Variants in VCAM1 observed in about 807,000 individuals in gnomAD.
The protein encoded by VCAM1 is vascular cell adhesion protein 1.
VCAM1 carries 41 observed loss-of-function variants against 63.8 expected under a neutral mutation model. That is an observed-to-expected ratio of 0.64 (90% confidence interval 0.50 to 0.83). The LOEUF (loss-of-function observed/expected upper bound fraction) is 0.83, where lower values mean the gene tolerates loss of function less well. Ranked by LOEUF, VCAM1 falls within the 40% of genes least tolerant of loss-of-function variation. The pLI is 0.00. For missense variants in VCAM1, 798 were observed against 875.5 expected (o/e 0.91, Z 1.12); for synonymous variants, 338 against 320.7 (o/e 1.05, Z -0.58).
intron 4 of VCAM1, 39 bp from the exon 5 acceptor site, chr1:100,729,068 C>A: frequency 6.8e-7 from 1 of 1,479,032 alleles, no homozygotes; most frequent in Non-Finnish European, 9.0e-7. Flanking sequence ...AGAAAAGAAT[C>A]TTATGTTCTT....
chr1:100,731,160 T>A lies in VCAM1; in HGVS notation c.1205-38T>A. 6.5e-7 allele frequency: 1 copy of A among 1,548,490 alleles called. No homozygotes were observed. Among genetic ancestry groups the A allele is most frequent in the Non-Finnish European group, 8.7e-7 (1 of 1,150,990 alleles). ...AAGCTTAGCTCAATTTTTCCTTGAA[T>A]ATCAAGAATAAAAATCGTTTTTGCT... is the stretch of plus-strand genomic sequence containing the variant. On this transcript the variant is annotated intron_variant, in intron 5 of 8. Transcript: ENST00000294728. This position sits in a 1 kb window ranked among gnomAD's most constrained non-coding sequence, Gnocchi z 4.2.
At chr1:100,733,950 G>C (rs990149820) in intron 7 of VCAM1, among the ~76,000 whole-genome samples, 1 of 152,142 alleles carries the variant, frequency 6.6e-6, no homozygotes, top group Non-Finnish European at 1.5e-5. Context: ...ATTTATAAAA[G>C]AGGTTTAATA....
rs749724573 is a variant in VCAM1 at position 100,734,543 on chromosome 1, A to G, written c.1834A>G (p.Ser612Gly). 1 of 1,613,720 alleles carries G rather than the reference A, an allele frequency of 6.2e-7. No homozygotes were observed. The highest frequency in any genetic ancestry group is 1.3e-5 in the African/African-American group (1 of 75,012). Reference protein sequence around the residue: ...DIKLTAFPSESVKEGDTVIIS... With the variant: ...DIKLTAFPSEGVKEGDTVIIS... ...AAAACTTACAGCTTTTCCTTCTGAG[A>G]GTGTCAAAGAAGGAGACACTGTCAT... is the stretch of plus-strand genomic sequence containing the variant. The change falls in exon 8 of 9, where the codon AGT (serine) becomes GGT (glycine). Residue 612 changes from serine (S) to glycine (G), a missense_variant. Ser to Gly is a moderately conservative substitution (Grantham distance 56). Coordinates refer to ENST00000294728, the MANE Select transcript of VCAM1 (RefSeq NM_001078.4).
At chr1:100,735,684 C>G (rs976489552) in intron 8 of VCAM1, 40 of 152,128 alleles carry the variant, frequency 2.6e-4, no homozygotes, top group African/African-American at 9.7e-4. Flanking sequence ...CAAGCCTTAC[C>G]GTATGTATGT....
chr1:100,731,632 T>C lies in VCAM1; in HGVS notation c.1525+114T>C. 2.0e-6 allele frequency: 2 copies of C among 982,400 alleles called. No individual in the cohort carries two copies. Among genetic ancestry groups the C allele is most frequent in the South Asian group, 1.8e-5 (1 of 55,264 alleles). 60.9% of individuals were successfully genotyped at this position (982,400 alleles called of 1,614,324 possible). A position where few individuals can be genotyped will look rare whatever the true frequency, so the allele number is the denominator to read the frequency against. ...AACCTCTGTGGAGAAAAAACGTTAC[T>C]GAAAAGAAATTTCAAAATAATGATG... On this transcript the variant is annotated intron_variant, in intron 6 of 8. Coordinates refer to ENST00000294728, the MANE Select transcript of VCAM1 (RefSeq NM_001078.4). This position sits in a 1 kb window ranked among gnomAD's most constrained non-coding sequence, Gnocchi z 4.2.
At chr1:100,726,458 A>G (rs1660165775) in intron 4 of VCAM1, among the ~76,000 whole-genome samples, 1 of 152,008 alleles carries the variant, frequency 6.6e-6, no homozygotes, top group South Asian at 2.1e-4. Context: ...ACCTTTGCAG[A>G]TCTGTTGATG....
Position 100,720,715 on chromosome 1 carries a change from A to G in VCAM1, c.304A>G (p.Arg102Gly), listed in dbSNP as rs1659927741. ...CCTGTGCACAGCAACTTGTGAATCTAGGAAATTGGAAAAAGGAATCCAGGT... is the reference window on the plus strand; with the variant it reads ...CCTGTGCACAGCAACTTGTGAATCTGGGAAATTGGAAAAAGGAATCCAGGT... ...SYLCTATCES[R>G]KLEKGIQVEI... Residue 102 changes from arginine to glycine, a missense_variant, in exon 2 of 9, where the codon AGG (arginine) becomes GGG (glycine). Arg to Gly is a moderately radical substitution (Grantham distance 125). Coordinates refer to ENST00000294728, the MANE Select transcript of VCAM1 (RefSeq NM_001078.4). 1 of 1,612,680 alleles carries G rather than the reference A, an allele frequency of 6.2e-7. No homozygotes were observed. Among genetic ancestry groups the G allele is most frequent in the Non-Finnish European group, 8.5e-7 (1 of 1,179,196 alleles).
At chr1:100,720,094 A>G (rs535189693) in intron 1 of VCAM1, among the ~76,000 whole-genome samples, 170 bp downstream of exon 1, 2 of 152,254 alleles carry the variant, frequency 1.3e-5, no homozygotes, top group South Asian at 4.1e-4. Context: ...GCTATATACC[A>G]TTGTACTGTC....
rs1660586655 is a variant in VCAM1 at position 100,734,664 on chromosome 1, C to T, written c.1955C>T (p.Ala652Val). 6.2e-7 allele frequency: 1 copy of T among 1,613,820 alleles called. No individual in the cohort carries two copies. The highest frequency in any genetic ancestry group is 1.3e-5 in the African/African-American group (1 of 74,884). ...GDTVLKSIDGAYTIRKAQLKD... is the reference protein window; with the variant it reads ...GDTVLKSIDGVYTIRKAQLKD... ...ACAGTACTAAAATCTATAGATGGCG[C>T]CTATACCATCCGAAAGGCCCAGTTG... Residue 652 changes from alanine (A) to valine (V), a missense_variant, in exon 8 of 9, where the codon GCC becomes GTC. Ala to Val is a moderately conservative substitution (Grantham distance 64). Transcript: ENST00000294728.
intron 8 of VCAM1, chr1:100,735,137 T>G: frequency 6.0e-6 from 1 of 167,450 alleles, no homozygotes; most frequent in Admixed American, 6.0e-5. Flanking sequence ...CCCTCTTCCT[T>G]TCTACCAGAA....
intron 4 of VCAM1, among the ~76,000 whole-genome samples, chr1:100,725,124 C>T (rs1170000760): frequency 6.6e-6 from 1 of 151,768 alleles, no homozygotes; most frequent in Non-Finnish European, 1.5e-5. Context: ...ATCACTTTTT[C>T]TCTGCTTCAT....
chr1:100,722,416 C>G (rs3176862), intron 2 of VCAM1, among the ~76,000 whole-genome samples: 10,773 of 152,078 alleles, frequency 0.071, 933 homozygotes, highest in African/African-American at 0.21. Context: ...CTTAGAATAT[C>G]TTGACAATAA....
rs1660470071 is a variant in VCAM1 at position 100,731,812 on chromosome 1, A to G, written c.1525+294A>G. Among the ~76,000 whole-genome samples, 1 of 152,154 alleles carries G rather than the reference A, an allele frequency of 6.6e-6. No homozygotes were observed. Among genetic ancestry groups the G allele is most frequent in the African/African-American group, 2.4e-5 (1 of 41,436 alleles). Reference sequence around the variant, plus strand: ...CTCGTGCATTTTCAGTAAGGTTAGCAGGGCTGGCTGGTCTCAGATGACTTC... The same window carrying G: ...CTCGTGCATTTTCAGTAAGGTTAGCGGGGCTGGCTGGTCTCAGATGACTTC... On this transcript the variant is annotated intron_variant, in intron 6 of 8. Coordinates refer to ENST00000294728, the MANE Select transcript of VCAM1 (RefSeq NM_001078.4). The surrounding 1 kb of genome is among the most constrained non-coding windows in gnomAD (Gnocchi z 4.2).
chr1:100,724,736 G>C lies in VCAM1; in HGVS notation c.774G>C (p.Trp258Cys). The change falls in exon 4 of 9, where the codon TGG (tryptophan) becomes TGC (cysteine). Residue 258 changes from tryptophan (W) to cysteine (C), a missense_variant. Physicochemically the swap from Trp to Cys is radical, Grantham distance 215 (BLOSUM62 -2). Coordinates refer to ENST00000294728, the MANE Select transcript of VCAM1 (RefSeq NM_001078.4). ...SEGLPAPEIF[W>C]SKKLDNGNLQ... ...GTCTACCAGCTCCAGAGATTTTCTG[G>C]AGTAAGAAATTAGATAATGGGAATC... 1 of 1,613,032 alleles carries C rather than the reference G, an allele frequency of 6.2e-7. No homozygotes were observed. Among genetic ancestry groups the C allele is most frequent in the Non-Finnish European group, 8.5e-7 (1 of 1,179,450 alleles).
Position 100,734,522 on chromosome 1 carries a change from C to G in VCAM1, c.1813C>G (p.Leu605Val). The change falls in exon 8 of 9, where the codon CTT (leucine) becomes GTT (valine). Residue 605 changes from leucine (L) to valine (V), a missense_variant. Coordinates refer to ENST00000294728, the MANE Select transcript of VCAM1 (RefSeq NM_001078.4). The stretch of plus-strand genomic sequence containing the variant: ...TACAGTTACTCCAAAAGACATAAAA[C>G]TTACAGCTTTTCCTTCTGAGAGTGT... ...IIQVTPKDIKLTAFPSESVKE... is the reference protein window; with the variant it reads ...IIQVTPKDIKVTAFPSESVKE... The G allele has an allele frequency of 6.2e-7, 1 of 1,613,068 alleles. No homozygotes were observed. Among genetic ancestry groups the G allele is most frequent in the East Asian group, 2.2e-5 (1 of 44,848 alleles).
intron 4 of VCAM1, among the ~76,000 whole-genome samples, chr1:100,725,403 A>G (rs748350859): frequency 2.0e-5 from 3 of 152,064 alleles, no homozygotes; most frequent in Non-Finnish European, 4.4e-5. Flanking sequence ...TTCTTACATA[A>G]CAGCATTCGC....
intron 8 of VCAM1, chr1:100,735,437 A>G (rs2100835676): frequency 6.6e-6 from 1 of 152,462 alleles, no homozygotes; most frequent in South Asian, 2.1e-4. Flanking sequence ...TGTAAACAAA[A>G]TACATCAGCC....
Position 100,719,800 on chromosome 1 carries a change from C to G in VCAM1, c.-61C>G, listed in dbSNP as rs1659884735. 7 of 1,569,444 alleles carry G rather than the reference C, an allele frequency of 4.5e-6. No individual in the cohort carries two copies. In the South Asian group the frequency reaches 5.7e-5, roughly 13 times the overall value. On this transcript the variant is annotated 5_prime_UTR_variant, in exon 1 of 9. Transcript: ENST00000294728. The stretch of plus-strand genomic sequence containing the variant: ...AGCTGAATACCCTCCCAGGCACACA[C>G]AGGTGGGACACAAATAAGGGTTTTG...
intron 4 of VCAM1, among the ~76,000 whole-genome samples, chr1:100,727,720 C>A (rs746215060): frequency 1.8e-4 from 27 of 152,094 alleles, no homozygotes; most frequent in Non-Finnish European, 3.4e-4. Context: ...CACAGACAGG[C>A]AGTCGATCTG....
Sources: gnomAD v4.1 joint callset for allele counts (sites outside exome capture counted in the v4.1 genomes callset) on GRCh38, gnomAD v4.1.1 for gene constraint, Gnocchi (gnomAD v3.1) non-coding constraint, MANE v1.5 for transcripts, NCBI Gene and HGNC (gene_info 2026-07-23, HGNC 2026-07-21) for gene names.